The following HS6ST2 variants were observed in gnomAD, a reference collection of about 807,000 sequenced individuals.
HS6ST2 encodes heparan sulfate 6-O-sulfotransferase 2, also known as heparan-sulfate 6-O-sulfotransferase 2.
A neutral mutation model predicts 33.0 loss-of-function variants in HS6ST2; 17 were observed. The ratio of observed to expected loss-of-function variants is 0.52; its 90% CI spans 0.35 to 0.77. The LOEUF (loss-of-function observed/expected upper bound fraction) is 0.77, where lower values mean the gene tolerates loss of function less well. HS6ST2 is among the 30% of genes least tolerant of loss of function. The pLI is 0.01. For missense variants in HS6ST2, 519 were observed against 551.7 expected (o/e 0.94, Z 0.59); for synonymous variants, 248 against 237.1 (o/e 1.05, Z -0.42).
intron 4 of HS6ST2, among the ~76,000 whole-genome samples, chrX:132,629,400 TCC>T (rs1466478578): frequency 9.0e-6 from 1 of 111,253 alleles, no homozygotes. Flanking sequence ...CCTCTTTTTC[TCC>T]CTCTCTAACC....
At chrX:132,898,600 A>C (rs570163938) in intron 2 of HS6ST2, among the ~76,000 whole-genome samples, 1 of 110,181 alleles carries the variant, frequency 9.1e-6, no homozygotes, top group Admixed American at 9.7e-5. Context: ...ACTAGACAAC[A>C]GTCAGTACAA....
At chrX:132,829,038 G>A (rs915207533) in intron 2 of HS6ST2, among the ~76,000 whole-genome samples, 2 of 103,067 alleles carry the variant, frequency 1.9e-5, no homozygotes, top group African/African-American at 7.0e-5. Context: ...GTAGATTCAT[G>A]TTAATATAAT....
At chrX:132,756,615 T>C (rs1308959835) in intron 2 of HS6ST2, among the ~76,000 whole-genome samples, 1 of 110,786 alleles carries the variant, frequency 9.0e-6, no homozygotes, top group Non-Finnish European at 1.9e-5. Context: ...GGCACTCCCA[T>C]GTGTGCTCTC....
intron 2 of HS6ST2, among the ~76,000 whole-genome samples, chrX:132,756,612 C>A (rs2064757991): frequency 9.0e-6 from 1 of 110,663 alleles, no homozygotes; most frequent in South Asian, 4.0e-4. Context: ...GCTGGCACTC[C>A]CATGTGTGCT....
intron 2 of HS6ST2, among the ~76,000 whole-genome samples, chrX:132,933,276 C>A (rs766921357): frequency 3.9e-4 from 43 of 110,462 alleles, no homozygotes; most frequent in African/African-American, 1.3e-3. Flanking sequence ...TGCAGTGAGC[C>A]GAGATCGCAC....
chrX:132,750,427 T>C (rs2064694085), intron 2 of HS6ST2, among the ~76,000 whole-genome samples: 1 of 102,433 alleles, frequency 9.8e-6, no homozygotes, highest in African/African-American at 3.7e-5. Flanking sequence ...CAACAGGAAA[T>C]GGGGTAAGGA....
intron 3 of HS6ST2, among the ~76,000 whole-genome samples, chrX:132,672,423 A>C (rs777484591): frequency 4.5e-5 from 5 of 110,930 alleles, no homozygotes; most frequent in Admixed American, 1.9e-4. Flanking sequence ...AGCCCTCATC[A>C]CTTTCATCTT....
intron 2 of HS6ST2, among the ~76,000 whole-genome samples, chrX:132,711,204 C>T (rs906777615): frequency 1.1e-4 from 12 of 111,695 alleles, no homozygotes; most frequent in Non-Finnish European, 2.1e-4. Context: ...ATGGGAATAG[C>T]GGGAGACTTG....
chrX:132,876,576 A>C (rs747241747), intron 2 of HS6ST2, among the ~76,000 whole-genome samples: 1 of 111,171 alleles, frequency 9.0e-6, no homozygotes, highest in Non-Finnish European at 1.9e-5. Context: ...AGGTTCTGGG[A>C]AGTATGTGTG....
chrX:132,628,893 T>A lies in HS6ST2; in HGVS notation c.1268A>T (p.Tyr423Phe), dbSNP rs1351311754. The change falls in exon 5 of 5, where the codon TAC (tyrosine) becomes TTC (phenylalanine). Residue 423 changes from tyrosine to phenylalanine, a missense_variant. Physicochemically the swap from Tyr to Phe is conservative, Grantham distance 22 (BLOSUM62 3). Transcript: ENST00000370833. ...CACCTGGCGGTTGTTGGCTAGATTG[T>A]AGGGACAGTCCATAAACTCTTTGAG... ...CPLKEFMDCP[Y>F]NLANNRQVRM... The A allele has an allele frequency of 1.7e-6, 2 of 1,211,549 alleles. No homozygotes were observed. Among genetic ancestry groups the A allele is most frequent in the South Asian group, 3.5e-5 (2 of 56,969 alleles).
intron 2 of HS6ST2, among the ~76,000 whole-genome samples, chrX:132,779,899 C>T (rs1368434257): frequency 9.0e-6 from 1 of 110,819 alleles, no homozygotes; most frequent in Non-Finnish European, 1.9e-5. Context: ...GTGGCACAGT[C>T]GTAATTCTAA....
Position 132,958,477 on chromosome X carries a change from C to G in HS6ST2, c.126G>C (p.Arg42=). The G allele has an allele frequency of 8.4e-7, 1 of 1,196,200 alleles. No individual in the cohort carries two copies. Among genetic ancestry groups the G allele is most frequent in the East Asian group, 3.0e-5 (1 of 33,131 alleles). The change falls in exon 1 of 5, where the codon CGG becomes CGC. Residue 42 remains arginine (R), a synonymous_variant. Coordinates refer to ENST00000370833, the MANE Select transcript of HS6ST2 (RefSeq NM_001394073.1). ...GAACTGAGGCGGCGACCGACCCGGG[C>G]CGGCTCGCTGCCAATTCGGCCTCTA... ...SRVEAELAAS[R]PGSVAASVRA...
At chrX:132,797,747 T>C (rs1345262644) in intron 2 of HS6ST2, among the ~76,000 whole-genome samples, 3 of 110,292 alleles carry the variant, frequency 2.7e-5, no homozygotes, top group Admixed American at 1.9e-4. Flanking sequence ...TGCGGTGGCT[T>C]ATGCCTGTAA....
chrX:132,725,292 A>G (rs1336293704), intron 2 of HS6ST2, among the ~76,000 whole-genome samples: 1 of 112,099 alleles, frequency 8.9e-6, no homozygotes, highest in Non-Finnish European at 1.9e-5. Context: ...TAATAAACAT[A>G]ATACATAAGG....
intron 2 of HS6ST2, among the ~76,000 whole-genome samples, chrX:132,824,991 CTACT>C (rs59699005): frequency 0.38 from 42,282 of 110,518 alleles, 6,654 homozygotes; most frequent in African/African-American, 0.57. Flanking sequence ...GCTAAAACAA[CTACT>C]TAGTGATTGA....
intron 2 of HS6ST2, among the ~76,000 whole-genome samples, chrX:132,931,380 C>T (rs750938547): frequency 4.9e-4 from 55 of 111,980 alleles, no homozygotes; most frequent in African/African-American, 1.6e-3. Context: ...GGCTCCCTTC[C>T]TCAACAATGT....
intron 2 of HS6ST2, among the ~76,000 whole-genome samples, chrX:132,763,418 A>G (rs2064819858): frequency 8.9e-6 from 1 of 112,487 alleles, no homozygotes; most frequent in African/African-American, 3.2e-5. Flanking sequence ...TGTTTAGCTC[A>G]TAAATACTTG....
chrX:132,826,164 C>A lies in HS6ST2; in HGVS notation c.948-117670G>T, dbSNP rs1178125787. On this transcript the variant is annotated intron_variant, in intron 2 of 4. Coordinates refer to ENST00000370833, the MANE Select transcript of HS6ST2 (RefSeq NM_001394073.1). ...TGACTGCTTTACGGTAGAGGCTGCA[C>A]TGCACCCTTTTGTCTCCCCACTCTA... 1.2e-4 allele frequency among the ~76,000 whole-genome samples: 14 copies of A among 112,827 alleles called. No homozygotes were observed. In the East Asian group the frequency reaches 3.9e-3, roughly 31 times the overall value.
At chrX:132,804,990 A>G (rs1287630640) in intron 2 of HS6ST2, among the ~76,000 whole-genome samples, 2 of 111,197 alleles carry the variant, frequency 1.8e-5, no homozygotes, top group African/African-American at 3.3e-5. Flanking sequence ...TCTGATATAT[A>G]TACATGTATA....
Sources: allele counts gnomAD v4.1 joint callset (sites outside exome capture counted in the v4.1 genomes callset), GRCh38; gene constraint gnomAD v4.1.1; transcripts MANE v1.5; gene names NCBI Gene and HGNC (gene_info 2026-07-23, HGNC 2026-07-21).